SCTR: variants seen among roughly 807,000 people sequenced by gnomAD.
SCTR encodes the protein pancreatic secretin receptor.
Under a neutral mutation model 60.8 loss-of-function variants are expected in SCTR, and 56 were observed. The observed-to-expected ratio is 0.92, with a 90% CI of 0.74 to 1.15. The LOEUF is 1.15. SCTR is among the 50% of genes most tolerant of loss of function. The pLI is 0.00. For synonymous variants in SCTR, 202 were observed against 217.0 expected, an observed-to-expected ratio of 0.93 and a Z score of 0.61; for missense variants, 562 against 550.4, an observed-to-expected ratio of 1.02 and a Z score of -0.21.
chr2:119,489,111 G>A (rs1289442058), intron 2 of SCTR, among the ~76,000 whole-genome samples: 3 of 152,148 alleles, frequency 2.0e-5, no homozygotes, highest in Non-Finnish European at 2.9e-5. Flanking sequence ...CCTGAGTGGG[G>A]CAGGCAGAGC....
At chr2:119,466,294 A>C (rs765773460) in intron 4 of SCTR, among the ~76,000 whole-genome samples, 1 of 152,250 alleles carries the variant, frequency 6.6e-6, no homozygotes, top group African/African-American at 2.4e-5. Context: ...TGCACCACCT[A>C]TTGGTCCATT....
intron 1 of SCTR, among the ~76,000 whole-genome samples, chr2:119,520,811 C>T (rs752737347): frequency 4.0e-4 from 61 of 152,230 alleles, no homozygotes; most frequent in African/African-American, 1.3e-3. Context: ...ACTCAGATGC[C>T]GTATCACCAA....
chr2:119,446,946 A>G (rs1682956602), intron 10 of SCTR, 61 bp from the exon 11 acceptor site: 1 of 1,369,182 alleles, frequency 7.3e-7, no homozygotes, highest in Non-Finnish European at 9.5e-7. Context: ...CTCCTCCTGT[A>G]GGCACACAGC....
intron 10 of SCTR, 85 bp from the exon 11 acceptor site, chr2:119,446,970 A>G (rs1319653495): frequency 2.3e-6 from 3 of 1,293,688 alleles, no homozygotes; most frequent in Non-Finnish European, 3.0e-6. Flanking sequence ...GCCACTCCCC[A>G]GCTCGGGACT....
intron 1 of SCTR, among the ~76,000 whole-genome samples, chr2:119,506,107 C>T (rs544178192): frequency 6.6e-6 from 1 of 152,270 alleles, no homozygotes; most frequent in Admixed American, 6.5e-5. Context: ...TTGGCAGTGT[C>T]TTGAAAACCA....
chr2:119,456,966 C>T (rs184564786), intron 7 of SCTR, among the ~76,000 whole-genome samples: 10 of 152,282 alleles, frequency 6.6e-5, no homozygotes, highest in East Asian at 5.8e-4. Context: ...AGGGATCCTC[C>T]GTCAGGGCCT....
intron 1 of SCTR, among the ~76,000 whole-genome samples, chr2:119,501,020 TA>T (rs1678526923): frequency 6.6e-6 from 1 of 152,100 alleles, no homozygotes; most frequent in Non-Finnish European, 1.5e-5. Context: ...ATGTGTCAAT[TA>T]AAAAAATTTA....
intron 4 of SCTR, among the ~76,000 whole-genome samples, chr2:119,472,706 A>G (rs753164258): frequency 3.9e-5 from 6 of 152,242 alleles, no homozygotes; most frequent in Non-Finnish European, 8.8e-5. Flanking sequence ...CAGCGACACA[A>G]TCACTGCTCA....
At chr2:119,505,006 C>T (rs1389947238) in intron 1 of SCTR, among the ~76,000 whole-genome samples, 6 of 152,004 alleles carry the variant, frequency 3.9e-5, no homozygotes, top group African/African-American at 7.2e-5. Context: ...GTTACAATGG[C>T]GATCATTAAA....
chr2:119,451,946 G>A, intron 9 of SCTR, 64 bp downstream of exon 9: 1 of 1,015,844 alleles, frequency 9.8e-7, no homozygotes, highest in Non-Finnish European at 1.5e-6. Context: ...CTCTGCCCCT[G>A]TGGGCTGGTC....
intron 11 of SCTR, among the ~76,000 whole-genome samples, chr2:119,445,606 G>T (rs1003350343): frequency 6.6e-6 from 1 of 152,186 alleles, no homozygotes; most frequent in African/African-American, 2.4e-5. Flanking sequence ...GGCCACCCCA[G>T]TGAAAGCTTG....
chr2:119,453,227 C>T, intron 8 of SCTR, 60 bp downstream of exon 8: 2 of 1,294,630 alleles, frequency 1.5e-6, no homozygotes, highest in Non-Finnish European at 2.2e-6. Flanking sequence ...AGTAACTATG[C>T]TGTTTGAAAA....
chr2:119,487,534 C>T (rs997157936), intron 2 of SCTR, among the ~76,000 whole-genome samples: 1 of 152,162 alleles, frequency 6.6e-6, no homozygotes, highest in Non-Finnish European at 1.5e-5. Flanking sequence ...GTCTGACTGT[C>T]AAGCCCACAC....
At chr2:119,492,924 A>T (rs1261918029) in intron 2 of SCTR, among the ~76,000 whole-genome samples, 2 of 151,692 alleles carry the variant, frequency 1.3e-5, no homozygotes, top group Non-Finnish European at 2.9e-5. Context: ...GAGTGCAATG[A>T]CATGATCTCT....
intron 3 of SCTR, 27 bp downstream of exon 3, chr2:119,478,784 G>A (rs1382890018): frequency 5.6e-6 from 9 of 1,610,740 alleles, no homozygotes; most frequent in Middle Eastern, 1.7e-4. Context: ...CAGCCTGTCC[G>A]CCAGGCCCCA....
intron 7 of SCTR, among the ~76,000 whole-genome samples, chr2:119,460,958 AGT>A: frequency 6.6e-6 from 1 of 152,188 alleles, no homozygotes; most frequent in East Asian, 1.9e-4. Context: ...TGCTGGATGG[AGT>A]CTCTTTCTTT....
At chr2:119,449,281 G>A (rs1454396541) in intron 9 of SCTR, among the ~76,000 whole-genome samples, 1 of 152,218 alleles carries the variant, frequency 6.6e-6, no homozygotes, top group Non-Finnish European at 1.5e-5. Flanking sequence ...GCTCCCAGGT[G>A]ATGCTGAAGC....
chr2:119,519,905 C>T (rs1377330008), intron 1 of SCTR, among the ~76,000 whole-genome samples: 2 of 150,614 alleles, frequency 1.3e-5, no homozygotes, highest in Non-Finnish European at 3.0e-5. Flanking sequence ...GGTCTCATGT[C>T]ACCATGTCCA....
At chr2:119,448,633 G>A (rs1208489608) in intron 10 of SCTR, 56 bp downstream of exon 10, 1 of 950,538 alleles carries the variant, frequency 1.1e-6, no homozygotes, top group South Asian at 1.3e-5. Context: ...GTAAACAGTA[G>A]GTGCTCAGTA....
Sources: allele counts gnomAD v4.1 joint callset (sites outside exome capture counted in the v4.1 genomes callset), GRCh38; gene constraint gnomAD v4.1.1; transcripts MANE v1.5; gene names NCBI Gene and HGNC (gene_info 2026-07-23, HGNC 2026-07-21).